The following PLA2R1 variants were observed in gnomAD, a reference collection of about 807,000 sequenced individuals.
PLA2R1 encodes the protein phospholipase A2 receptor 1.
PLA2R1 carries 158 observed loss-of-function variants against 195.9 expected under a neutral mutation model. The ratio of observed to expected loss-of-function variants is 0.81; its 90% CI spans 0.71 to 0.92. The LOEUF is 0.92. Ranked by LOEUF, PLA2R1 falls within the 40% of genes least tolerant of loss-of-function variation. The pLI, the probability that PLA2R1 is intolerant of heterozygous loss-of-function variation, is 0.00. For synonymous variants in PLA2R1, 586 were observed against 598.2 expected, an observed-to-expected ratio of 0.98 and a Z score of 0.30; for missense variants, 1,626 against 1,764.6, an observed-to-expected ratio of 0.92 and a Z score of 1.41.
intron 11 of PLA2R1, among the ~76,000 whole-genome samples, chr2:159,989,835 G>A (rs980515175): frequency 3.3e-5 from 5 of 152,188 alleles, no homozygotes; most frequent in Non-Finnish European, 5.9e-5. Flanking sequence ...AGTTTGAAAT[G>A]TAATATACTT....
Position 159,951,380 on chromosome 2 carries a change from C to T in PLA2R1, c.3500G>A (p.Arg1167Gln), listed in dbSNP as rs759938799. The T allele has an allele frequency of 1.8e-5, 29 of 1,613,074 alleles. No individual in the cohort carries two copies. In the East Asian group the frequency reaches 4.0e-4, roughly 22 times the overall value. ...TCCAATCCAGTGGGCATATCCTAGCCGGTTGAGGACAACAGTGAGGAAGGA... is the reference window on the plus strand; with the variant it reads ...TCCAATCCAGTGGGCATATCCTAGCTGGTTGAGGACAACAGTGAGGAAGGA... ...HQSFLTVVLNRLGYAHWIGLF... is the reference protein window; with the variant it reads ...HQSFLTVVLNQLGYAHWIGLF... Residue 1167 changes from arginine to glutamine, a missense_variant, in exon 24 of 30, where the codon CGG (arginine) becomes CAG (glutamine). Transcript: ENST00000283243.
At chr2:160,029,801 T>A (rs771563274) in intron 4 of PLA2R1, among the ~76,000 whole-genome samples, 3 of 152,134 alleles carry the variant, frequency 2.0e-5, no homozygotes, top group Non-Finnish European at 2.9e-5. Context: ...GTCAGAAACA[T>A]AATGAAAGTG....
rs2125927450 is a variant in PLA2R1, at chr2:159,949,713, C to A, written c.3604G>T (p.Glu1202Ter). The A allele has an allele frequency of 6.2e-7, 1 of 1,613,698 alleles. No homozygotes were observed. The highest frequency in any genetic ancestry group is 1.1e-5 in the South Asian group (1 of 91,086). The change falls in exon 25 of 30, where the codon GAG becomes TAG. Residue 1202 changes from glutamate (E) to a stop codon, truncating the protein, a stop_gained. Transcript: ENST00000283243. LOFTEE classifies it high-confidence loss of function. ...KSSFTFWKDE[E>*]SSLLGDCVFA... ...ACGCAGTCACCAAGGAGGGAGGACT[C>A]CTCATCTTTCCAAAAAGTGAAAGAA...
rs151008180 is a variant in PLA2R1, at chr2:159,956,383, G to A, written c.3022+127C>T. ...AACCTATGGGTCAAACTGCAAACTC[G>A]TGTATCATCAGCAACACAGTATTTT... On this transcript the variant is annotated intron_variant, in intron 21 of 29. Transcript: ENST00000283243. 2.9e-4 allele frequency: 196 copies of A among 668,558 alleles called. 1 individual carries two copies. In the African/African-American group the frequency reaches 3.0e-3, roughly 10 times the overall value. The allele number at this position is 668,558 out of a possible 1,614,324, so 41.4% of individuals were successfully genotyped here.
intron 11 of PLA2R1, among the ~76,000 whole-genome samples, chr2:159,995,336 T>C (rs962311801): frequency 9.2e-5 from 14 of 152,186 alleles, no homozygotes; most frequent in East Asian, 5.8e-4. Context: ...TCAAATAAAT[T>C]ACAGCAGAAA....
rs1192133464 is a variant in PLA2R1, at chr2:160,016,649, G to A, written c.1516C>T (p.His506Tyr). ...CCTGATTCAGCATCAGAGAGGACATGGCCTGCTTTTTTACAAATGTAAAAA... is the reference window on the plus strand; with the variant it reads ...CCTGATTCAGCATCAGAGAGGACATAGCCTGCTTTTTTACAAATGTAAAAA... ...RLFYICKKAG[H>Y]VLSDAESGCQ... is the part of the protein sequence containing the mutation. Residue 506 changes from histidine (H) to tyrosine (Y), a missense_variant, in exon 9 of 30, where the codon CAT (histidine) becomes TAT (tyrosine). Transcript: ENST00000283243. The A allele has an allele frequency of 2.5e-6, 4 of 1,608,902 alleles. No individual in the cohort carries two copies. The highest frequency in any genetic ancestry group is 3.3e-5 in the Admixed American group (2 of 59,980).
Position 159,949,871 on chromosome 2 carries a change from C to T in PLA2R1, c.3541-95G>A, listed in dbSNP as rs1687632247. The T allele has an allele frequency of 3.2e-6, 3 of 948,776 alleles. 1 individual carries two copies. The highest frequency in any genetic ancestry group is 2.0e-5 in the Admixed American group (1 of 50,712). 58.8% of individuals were successfully genotyped at this position (948,776 alleles called of 1,614,324 possible). Reference sequence around the variant, plus strand: ...CATGCTACAATTCCCACATCGATTGCTATTTCTGCACACCTTTTTAAAGAG... The same window carrying T: ...CATGCTACAATTCCCACATCGATTGTTATTTCTGCACACCTTTTTAAAGAG... On this transcript the variant is annotated intron_variant, in intron 24 of 29. Coordinates refer to ENST00000283243, the MANE Select transcript of PLA2R1 (RefSeq NM_007366.5).
intron 20 of PLA2R1, among the ~76,000 whole-genome samples, chr2:159,965,500 G>GTAA (rs950803522): frequency 2.6e-5 from 4 of 152,122 alleles, no homozygotes; most frequent in African/African-American, 9.7e-5. Context: ...TTAGCACTGA[G>GTAA]TAATATTCCA....
intron 11 of PLA2R1, among the ~76,000 whole-genome samples, chr2:160,004,679 GGCAA>G (rs1416779969): frequency 6.6e-6 from 1 of 152,180 alleles, no homozygotes; most frequent in Admixed American, 6.5e-5. Context: ...TGGAGATACA[GGCAA>G]GCAAGAACTC....
downstream of PLA2R1, among the ~76,000 whole-genome samples, chr2:159,929,931 C>T (rs2125898124): frequency 6.6e-6 from 1 of 151,990 alleles, no homozygotes; most frequent in Non-Finnish European, 1.5e-5. Context: ...ATGGCATTCG[C>T]AGTGACCTGG....
Position 159,998,038 on chromosome 2 carries a change from T to A in PLA2R1, c.1834+7614A>T, listed in dbSNP as rs143418484. 2.9e-3 allele frequency among the ~76,000 whole-genome samples: 434 copies of A among 152,276 alleles called. 1 individual carries two copies. The highest frequency in any genetic ancestry group is 9.8e-3 in the African/African-American group (406 of 41,562). On this transcript the variant is annotated intron_variant, in intron 11 of 29. Transcript: ENST00000283243. ...AATTTTTTTTAAAAACATTTAACAC[T>A]AGCTCCTAAGTGTTGGGGAAATGTA...
rs188394057 is a variant in PLA2R1, at chr2:159,937,797, C to G, written c.*3981G>C. On this transcript the variant is annotated 3_prime_UTR_variant, in exon 30 of 30. Transcript: ENST00000283243. ...ATAACTCATTTCTAAGTCATCGCTT[C>G]AACTTTAACAGAAAAATGTCCTAAC... 61 of 152,294 alleles carry G rather than the reference C, an allele frequency of 4.0e-4. No individual in the cohort carries two copies. The highest frequency in any genetic ancestry group is 1.4e-3 in the African/African-American group (58 of 41,562). 9.4% of individuals were successfully genotyped at this position (152,294 alleles called of 1,614,324 possible). A position where few individuals can be genotyped will look rare whatever the true frequency, so the allele number is the denominator to read the frequency against.
intron 11 of PLA2R1, among the ~76,000 whole-genome samples, chr2:160,000,572 G>C (rs1053718890): frequency 3.3e-5 from 5 of 152,140 alleles, no homozygotes; most frequent in African/African-American, 9.7e-5. Flanking sequence ...CAAAATGAAA[G>C]AGATGAGATC....
chr2:160,043,143 G>A (rs544331586), intron 2 of PLA2R1, among the ~76,000 whole-genome samples: 3 of 152,098 alleles, frequency 2.0e-5, no homozygotes, highest in African/African-American at 4.8e-5. Flanking sequence ...CTGTCTCCCC[G>A]CCATACTGCG....
At chr2:159,925,195 A>AC in the PLA2R1 span, among the ~76,000 whole-genome samples, 3 of 61,006 alleles carry the variant, frequency 4.9e-5, no homozygotes, top group South Asian at 3.8e-4. Context: ...TTATAAAAAA[A>AC]AACAAACAAA....
chr2:160,023,814 A>G (rs964176294), intron 6 of PLA2R1, among the ~76,000 whole-genome samples: 1 of 152,252 alleles, frequency 6.6e-6, no homozygotes, highest in Non-Finnish European at 1.5e-5. Context: ...TCACGAAGGC[A>G]GCTGAAGGAG....
intron 2 of PLA2R1, among the ~76,000 whole-genome samples, chr2:160,042,742 T>C (rs886103447): frequency 6.6e-6 from 1 of 151,686 alleles, no homozygotes; most frequent in African/African-American, 2.4e-5. Flanking sequence ...TCATTGCAGG[T>C]AGCGGTGCCA....
intron 20 of PLA2R1, among the ~76,000 whole-genome samples, chr2:159,966,712 C>G (rs981490090): frequency 6.6e-6 from 1 of 152,116 alleles, no homozygotes; most frequent in South Asian, 2.1e-4. Context: ...TAAAAATTGG[C>G]TGTCCACAAT....
rs753245018 is a variant in PLA2R1 at position 159,949,691 on chromosome 2, C to T, written c.3626G>A (p.Cys1209Tyr). Residue 1209 changes from cysteine to tyrosine, a missense_variant, in exon 25 of 30, where the codon TGC becomes TAC. Transcript: ENST00000283243. ...GCGTCCGTTGCTGTCGGCAAAAACGCAGTCACCAAGGAGGGAGGACTCCTC... is the reference window on the plus strand; with the variant it reads ...GCGTCCGTTGCTGTCGGCAAAAACGTAGTCACCAAGGAGGGAGGACTCCTC... ...KDEESSLLGDCVFADSNGRWH... is the reference protein window; with the variant it reads ...KDEESSLLGDYVFADSNGRWH... 16 of 1,613,842 alleles carry T rather than the reference C, an allele frequency of 9.9e-6. No homozygotes were observed. The East Asian group carries it at 3.6e-4, about 36-fold the overall frequency.
Sources: allele counts gnomAD v4.1 joint callset (sites outside exome capture counted in the v4.1 genomes callset), GRCh38; gene constraint gnomAD v4.1.1; transcripts MANE v1.5; gene names NCBI Gene and HGNC (gene_info 2026-07-23, HGNC 2026-07-21).